The following BORCS5 variants were observed in gnomAD, a reference collection of about 807,000 sequenced individuals.
The protein encoded by BORCS5 is BLOC-1 related complex subunit 5.
A neutral mutation model predicts 22.1 loss-of-function variants in BORCS5; 17 were observed. The ratio of observed to expected loss-of-function variants is 0.77; its 90% CI spans 0.53 to 1.15. BORCS5 has a LOEUF of 1.15. Ranked by LOEUF, BORCS5 falls within the 50% of genes most tolerant of loss-of-function variation. The probability of loss-of-function intolerance (pLI) is 0.00; values close to 1 mark genes in which losing one functional copy is unlikely to be tolerated. For missense variants in BORCS5, 247 were observed against 253.2 expected (o/e 0.98, Z 0.17); for synonymous variants, 117 against 99.8 (o/e 1.17, Z -1.03).
intron 2 of BORCS5, among the ~76,000 whole-genome samples, chr12:12,419,604 C>T (rs1373509400): frequency 6.6e-6 from 1 of 152,142 alleles, no homozygotes; most frequent in African/African-American, 2.4e-5. Context: ...GTTCTAGATC[C>T]TTGAGGAATT....
chr12:12,465,798 GC>G lies in BORCS5; in HGVS notation c.*23del, dbSNP rs748249033. The stretch of plus-strand genomic sequence containing the variant: ...GTAGCTGCTGCCCGGCCTGCCTGGG[GC>G]TGGGAGCCCCAGACACCGACACCCT... On this transcript the variant is annotated 3_prime_UTR_variant, in exon 4 of 4. Transcript: ENST00000314565. The G allele has an allele frequency of 1.3e-6, 2 of 1,597,388 alleles. No individual in the cohort carries two copies. The highest frequency in any genetic ancestry group is 2.7e-5 in the African/African-American group (2 of 74,664).
intron 3 of BORCS5, among the ~76,000 whole-genome samples, chr12:12,453,190 C>G (rs984089584): frequency 1.3e-5 from 2 of 152,072 alleles, no homozygotes; most frequent in African/African-American, 4.8e-5. Context: ...ATATGTATGT[C>G]AAAACATGTG....
intron 2 of BORCS5, among the ~76,000 whole-genome samples, chr12:12,389,452 TTAA>T (rs1863953877): frequency 2.0e-5 from 3 of 149,838 alleles, no homozygotes; most frequent in Admixed American, 1.3e-4. Flanking sequence ...AAATATATTT[TTAA>T]TGCACATTTA....
At chr12:12,438,776 T>A (rs1482292056) in intron 3 of BORCS5, among the ~76,000 whole-genome samples, 3 of 152,204 alleles carry the variant, frequency 2.0e-5, no homozygotes, top group African/African-American at 7.2e-5. Context: ...ACTGTATATT[T>A]TATAGTAAAT....
chr12:12,359,763 A>C (rs985475963), intron 1 of BORCS5, among the ~76,000 whole-genome samples: 20 of 151,894 alleles, frequency 1.3e-4, no homozygotes, highest in African/African-American at 4.8e-4. Context: ...TGGACTTACT[A>C]AACATAGCTG....
chr12:12,359,041 T>G (rs951889608), intron 1 of BORCS5, among the ~76,000 whole-genome samples: 1 of 152,174 alleles, frequency 6.6e-6, no homozygotes, highest in Non-Finnish European at 1.5e-5. Context: ...TAAAACACTT[T>G]AAAGATTCAT....
Position 12,465,614 on chromosome 12 carries a change from C to G in BORCS5, c.429C>G (p.Ala143=). 1 of 1,614,256 alleles carries G rather than the reference C, an allele frequency of 6.2e-7. No individual in the cohort carries two copies. Among genetic ancestry groups the G allele is most frequent in the Non-Finnish European group, 8.5e-7 (1 of 1,180,034 alleles). ...GCCAGAAAAGATACGCCAAGTATGC[C>G]GAGCAGATCCAGAAAGTGAACGAGA... ...QERQKRYAKY[A]EQIQKVNEMS... Residue 143 remains alanine (A), a synonymous_variant, in exon 4 of 4, where the codon GCC becomes GCG. Coordinates refer to ENST00000314565, the MANE Select transcript of BORCS5 (RefSeq NM_058169.6).
rs537858844 is a variant in BORCS5, at chr12:12,419,511, G to T, written c.203-16117G>T. Among the ~76,000 whole-genome samples the T allele has an allele frequency of 8.5e-5, 13 of 152,326 alleles. No individual in the cohort carries two copies. The South Asian group carries it at 2.5e-3, about 29-fold the overall frequency. ...ATAGTGCCATAATAAACATATGTGT[G>T]CATGTGTCTTTATAGCAGCATGATT... On this transcript the variant is annotated intron_variant, in intron 2 of 3. Transcript: ENST00000314565.
At chr12:12,384,081 A>G (rs138896439) in intron 2 of BORCS5, among the ~76,000 whole-genome samples, 45 of 151,082 alleles carry the variant, frequency 3.0e-4, no homozygotes, top group African/African-American at 2.9e-4. Context: ...CATTTCCATT[A>G]TTATACTTTT....
In BORCS5 at chr12:12,420,665, T is replaced by G. The variant is rs1432510904; in HGVS notation, c.203-14963T>G. 3.3e-5 allele frequency among the ~76,000 whole-genome samples: 5 copies of G among 152,248 alleles called. No homozygotes were observed. In the South Asian group the frequency reaches 8.3e-4, roughly 25 times the overall value. ...TGGCCATTTTCATGATATTGATTCT[T>G]TGTATCCGTGAGCATGGAATATTCT... On this transcript the variant is annotated intron_variant, in intron 2 of 3. Coordinates refer to ENST00000314565, the MANE Select transcript of BORCS5 (RefSeq NM_058169.6).
At chr12:12,379,018 G>A (rs1021221064) in intron 2 of BORCS5, among the ~76,000 whole-genome samples, 1 of 151,294 alleles carries the variant, frequency 6.6e-6, no homozygotes, top group African/African-American at 2.4e-5. Context: ...GCCTCACAAA[G>A]TGCTTGGGAT....
At chr12:12,379,356 C>T (rs995395127) in intron 2 of BORCS5, among the ~76,000 whole-genome samples, 2 of 151,296 alleles carry the variant, frequency 1.3e-5, no homozygotes, top group African/African-American at 4.9e-5. Context: ...CTCAGGTGAT[C>T]CGCCTGCCTC....
intron 2 of BORCS5, among the ~76,000 whole-genome samples, chr12:12,373,819 C>T (rs1395381145): frequency 6.6e-6 from 1 of 152,078 alleles, no homozygotes; most frequent in Non-Finnish European, 1.5e-5. Context: ...ATATTAGTAA[C>T]ACTGGCCACA....
At chr12:12,359,606 C>T (rs1045694527) in intron 1 of BORCS5, among the ~76,000 whole-genome samples, 3 of 151,684 alleles carry the variant, frequency 2.0e-5, no homozygotes, top group African/African-American at 4.8e-5. Flanking sequence ...AAGTGATCCA[C>T]CTGGCTTGGC....
intron 1 of BORCS5, among the ~76,000 whole-genome samples, chr12:12,358,275 G>A (rs917473593): frequency 6.6e-6 from 1 of 152,148 alleles, no homozygotes; most frequent in African/African-American, 2.4e-5. Flanking sequence ...TTAAATCTGG[G>A]GCCTAAAAAG....
chr12:12,425,649 T>C (rs1942267369), intron 2 of BORCS5, among the ~76,000 whole-genome samples: 1 of 152,258 alleles, frequency 6.6e-6, no homozygotes, highest in Non-Finnish European at 1.5e-5. Flanking sequence ...TTTGGAGAAA[T>C]GCCTATTTAA....
chr12:12,383,784 G>C (rs1344517445), intron 2 of BORCS5, among the ~76,000 whole-genome samples: 1 of 150,214 alleles, frequency 6.7e-6, no homozygotes, highest in Admixed American at 6.6e-5. Context: ...TTTGTGATAA[G>C]TCCAAGTTTT....
intron 2 of BORCS5, among the ~76,000 whole-genome samples, chr12:12,386,453 A>ATTT (rs71061054): frequency 0.021 from 2,973 of 140,130 alleles, 153 homozygotes; most frequent in African/African-American, 0.073. Flanking sequence ...CACTGTTGCT[A>ATTT]TTTTTTTTTT....
chr12:12,357,108 A>T lies in BORCS5; in HGVS notation c.-344A>T. 6.5e-7 allele frequency: 1 copy of T among 1,534,526 alleles called. No individual in the cohort carries two copies. The highest frequency in any genetic ancestry group is 8.7e-7 in the Non-Finnish European group (1 of 1,146,094). ...CGTCCCGGAAGGAGCGAGCTTGCGG[A>T]GCGTGAACCAGTGAGTGAAAGCGGC... On this transcript the variant is annotated 5_prime_UTR_variant, in exon 1 of 4. Coordinates refer to ENST00000314565, the MANE Select transcript of BORCS5 (RefSeq NM_058169.6).
Sources: allele counts gnomAD v4.1 joint callset (sites outside exome capture counted in the v4.1 genomes callset), GRCh38; gene constraint gnomAD v4.1.1; transcripts MANE v1.5; gene names NCBI Gene and HGNC (gene_info 2026-07-23, HGNC 2026-07-21).